CNOT1: variants seen among roughly 807,000 people sequenced by gnomAD.
CNOT1 encodes CCR4-associated factor 1.
CNOT1 carries 15 observed loss-of-function variants against 273.8 expected under a neutral mutation model. The ratio of observed to expected loss-of-function variants is 0.05; its 90% confidence interval spans 0.04 to 0.08. CNOT1 has a LOEUF of 0.08. Ranked by LOEUF, CNOT1 falls within the 10% of genes least tolerant of loss-of-function variation. CNOT1 has a pLI of 1.00. For synonymous variants in CNOT1, 1,022 were observed against 1,005.5 expected (o/e 1.02, Z -0.31); for missense variants, 1,644 against 2,912.2 (o/e 0.56, Z 10.02).
At chr16:58,576,913 A>G (rs976917489) in intron 13 of CNOT1, among the ~76,000 whole-genome samples, 6 of 152,206 alleles carry the variant, frequency 3.9e-5, no homozygotes, top group Non-Finnish European at 7.3e-5. Flanking sequence ...AAGTTTATAT[A>G]ATTACTTTAA....
At chr16:58,617,804 A>C (rs1382418685) in intron 1 of CNOT1, among the ~76,000 whole-genome samples, 1 of 152,166 alleles carries the variant, frequency 6.6e-6, no homozygotes, top group Non-Finnish European at 1.5e-5. Context: ...CCAGGAGCTC[A>C]AGACCAGCTT....
intron 16 of CNOT1, among the ~76,000 whole-genome samples, chr16:58,566,461 C>T (rs2041046518): frequency 6.6e-6 from 1 of 152,152 alleles, no homozygotes. Context: ...ACAATAAAAA[C>T]ATTTTGCGCA....
chr16:58,535,463 C>T (rs1412567044), intron 39 of CNOT1, among the ~76,000 whole-genome samples: 1 of 152,174 alleles, frequency 6.6e-6, no homozygotes, highest in Admixed American at 6.5e-5. Context: ...AATACACTAT[C>T]TTTTTCAAGA....
chr16:58,594,701 G>A (rs2042187071), intron 2 of CNOT1, among the ~76,000 whole-genome samples: 1 of 151,338 alleles, frequency 6.6e-6, no homozygotes, highest in African/African-American at 2.4e-5. Flanking sequence ...ACTGGGGAGG[G>A]AGAGGCTTGG....
intron 1 of CNOT1, among the ~76,000 whole-genome samples, chr16:58,613,458 A>G (rs1467993499): frequency 8.0e-6 from 1 of 125,326 alleles, no homozygotes; most frequent in Non-Finnish European, 1.9e-5. Context: ...TTAGGCCCCT[A>G]AACCATCTGC....
intron 12 of CNOT1, among the ~76,000 whole-genome samples, chr16:58,580,155 A>G (rs1489768919): frequency 1.3e-5 from 2 of 152,142 alleles, no homozygotes; most frequent in Non-Finnish European, 2.9e-5. Context: ...GGTTGCAGTG[A>G]GCTGAGATTG....
chr16:58,573,786 T>C (rs1056500524), intron 16 of CNOT1, among the ~76,000 whole-genome samples: 1 of 150,980 alleles, frequency 6.6e-6, no homozygotes, highest in Non-Finnish European at 1.5e-5. Context: ...CAGCCTTAAC[T>C]AGCTGATCTT....
chr16:58,521,385 C>T, intron 47 of CNOT1, 68 bp from the exon 48 acceptor site: 3 of 1,495,860 alleles, frequency 2.0e-6, no homozygotes, highest in Admixed American at 2.2e-5. Flanking sequence ...TCTTCCATTA[C>T]TTTTTTTCTA....
At chr16:58,588,025 G>T in intron 3 of CNOT1, 147 bp from the exon 4 acceptor site, 1 of 841,410 alleles carries the variant, frequency 1.2e-6, no homozygotes, top group Non-Finnish European at 1.8e-6. Flanking sequence ...CTCGCCAGGT[G>T]CGGTGGTTGA....
At chr16:58,598,833 G>A (rs771581547) in intron 2 of CNOT1, among the ~76,000 whole-genome samples, 10 of 151,990 alleles carry the variant, frequency 6.6e-5, no homozygotes, top group Non-Finnish European at 1.3e-4. Context: ...AGGCCAAGGC[G>A]GATCACTTGA....
chr16:58,540,400 C>T (rs1181478486), intron 34 of CNOT1, among the ~76,000 whole-genome samples: 1 of 152,174 alleles, frequency 6.6e-6, no homozygotes, highest in South Asian at 2.1e-4. Flanking sequence ...TGAGCTATTC[C>T]TATTTTTAAA....
intron 36 of CNOT1, 104 bp downstream of exon 36, chr16:58,538,668 C>CT: frequency 6.6e-7 from 1 of 1,515,914 alleles, no homozygotes; most frequent in African/African-American, 1.4e-5. Context: ...AGTGTCCGAC[C>CT]TACCTACTAG....
intron 1 of CNOT1, among the ~76,000 whole-genome samples, chr16:58,615,207 C>T (rs2043033723): frequency 8.0e-6 from 1 of 124,662 alleles, no homozygotes; most frequent in African/African-American, 2.7e-5. Context: ...AATTTTGAAT[C>T]TTATCACAAA....
At position 58,599,415 on chromosome 16, in the gene CNOT1, G is replaced by T; in HGVS notation, c.-78C>A. 1 of 1,572,386 alleles carries T rather than the reference G, an allele frequency of 6.4e-7. No homozygotes were observed. Among genetic ancestry groups the T allele is most frequent in the Non-Finnish European group, 8.7e-7 (1 of 1,149,068 alleles). On this transcript the variant is annotated 5_prime_UTR_variant, in exon 2 of 49. Coordinates refer to ENST00000317147, the MANE Select transcript of CNOT1 (RefSeq NM_016284.5). ...TCCCCTTTAGTCACCTCAGAGGCAGGTTAATGCTTTCTTTGTAATTAGGCT... is the reference window on the plus strand; with the variant it reads ...TCCCCTTTAGTCACCTCAGAGGCAGTTTAATGCTTTCTTTGTAATTAGGCT...
chr16:58,620,176 T>C (rs1324074948), intron 1 of CNOT1, among the ~76,000 whole-genome samples: 1 of 152,182 alleles, frequency 6.6e-6, no homozygotes, highest in Non-Finnish European at 1.5e-5. Flanking sequence ...AGAGACTCCT[T>C]ACTCACTATG....
Position 58,555,294 on chromosome 16 carries a change from T to G in CNOT1, c.2848A>C (p.Met950Leu), listed in dbSNP as rs1597450541. The G allele has an allele frequency of 6.2e-7, 1 of 1,614,030 alleles. No individual in the cohort carries two copies. The highest frequency in any genetic ancestry group is 8.5e-7 in the Non-Finnish European group (1 of 1,180,042). ...AGTGCAGCAATCCCGAAATAATACA[T>G]TTTGGATCCAAAAGGCTTGCGTAAG... ...EALRKPFGSK[M>L]YYFGIAALDR... The change falls in exon 21 of 49, where the codon ATG (methionine) becomes CTG (leucine). Residue 950 changes from methionine (M) to leucine (L), a missense_variant. Met to Leu is a conservative substitution (Grantham distance 15). Around this residue, in one of 13 missense-constraint regions of CNOT1, gnomAD observed 74 missense variants for 184.6 expected, o/e 0.40. Transcript: ENST00000317147.
intron 29 of CNOT1, among the ~76,000 whole-genome samples, chr16:58,546,080 G>A (rs546665891): frequency 6.6e-6 from 1 of 152,184 alleles, no homozygotes; most frequent in African/African-American, 2.4e-5. Context: ...GGGTATGAGA[G>A]GCAACTGATT....
chr16:58,594,482 G>A (rs1403952303), intron 2 of CNOT1, among the ~76,000 whole-genome samples: 1 of 152,014 alleles, frequency 6.6e-6, no homozygotes, highest in Non-Finnish European at 1.5e-5. Context: ...TTGTGAATCT[G>A]AAAAACTACC....
chr16:58,582,020 A>G (rs1301469383), intron 10 of CNOT1, among the ~76,000 whole-genome samples: 1 of 151,436 alleles, frequency 6.6e-6, no homozygotes, highest in Non-Finnish European at 1.5e-5. Context: ...GCAGTGGCTT[A>G]TGCCTGTAAT....
Sources: gnomAD v4.1 joint callset for allele counts (sites outside exome capture counted in the v4.1 genomes callset) on GRCh38, gnomAD v4.1.1 for gene constraint, gnomAD v4.1.1 regional missense constraint, MANE v1.5 for transcripts, NCBI Gene and HGNC (gene_info 2026-07-23, HGNC 2026-07-21) for gene names.